Variants in EBF1 observed in about 807,000 individuals in gnomAD.
EBF1 encodes EBF transcription factor 1.
A neutral mutation model predicts 68.4 loss-of-function variants in EBF1; 10 were observed. That is an observed-to-expected ratio of 0.15 (90% CI 0.09 to 0.25). EBF1 has a LOEUF of 0.25. Among genes scored for constraint, EBF1 ranks in the 10% least tolerant of loss-of-function variants. The probability of loss-of-function intolerance (pLI) is 1.00; values close to 1 mark genes in which losing one functional copy is unlikely to be tolerated. For missense variants in EBF1, 509 were observed against 794.4 expected (o/e 0.64, Z 4.32); for synonymous variants, 298 against 299.8 (o/e 0.99, Z 0.06).
chr5:158,881,571 C>T (rs774637232), intron 6 of EBF1, among the ~76,000 whole-genome samples: 4 of 152,168 alleles, frequency 2.6e-5, no homozygotes, highest in Non-Finnish European at 2.9e-5. Context: ...GTATGTGCTG[C>T]GGGCTGTCTG....
chr5:158,784,067 G>GT (rs201077478), intron 9 of EBF1, among the ~76,000 whole-genome samples: 4,268 of 152,236 alleles, frequency 0.028, 208 homozygotes, highest in African/African-American at 0.098. Flanking sequence ...ATTGATGATG[G>GT]TAATGACCTT....
chr5:159,035,556 A>G (rs1769870272), intron 6 of EBF1, among the ~76,000 whole-genome samples: 1 of 152,342 alleles, frequency 6.6e-6, no homozygotes, highest in East Asian at 1.9e-4. Flanking sequence ...AACTACCTGG[A>G]TTCAAATCCC....
chr5:159,091,736 C>A (rs986082069), intron 4 of EBF1, among the ~76,000 whole-genome samples: 1 of 152,126 alleles, frequency 6.6e-6, no homozygotes, highest in African/African-American at 2.4e-5. Context: ...AAGATCAAAA[C>A]AAATATATCA....
chr5:159,024,786 A>G (rs951547944), intron 6 of EBF1, among the ~76,000 whole-genome samples: 3 of 152,258 alleles, frequency 2.0e-5, no homozygotes, highest in African/African-American at 4.8e-5. Context: ...AAGAGTGACC[A>G]CTAACCAGAA....
In EBF1 at chr5:158,867,417, C is replaced by T. The variant is rs143915605; in HGVS notation, c.555-27307G>A. ...TTTACCTCCGTATTTTCATCTAACTCAAGGTTCAAGATGGGATACAGTGTT... is the reference window on the plus strand; with the variant it reads ...TTTACCTCCGTATTTTCATCTAACTTAAGGTTCAAGATGGGATACAGTGTT... On this transcript the variant is annotated intron_variant, in intron 6 of 15. Coordinates refer to ENST00000313708, the MANE Select transcript of EBF1 (RefSeq NM_024007.5). 3.9e-4 allele frequency among the ~76,000 whole-genome samples: 59 copies of T among 152,294 alleles called. 2 individuals are homozygous for T. The East Asian group carries it at 5.2e-3, about 13-fold the overall frequency.
intron 6 of EBF1, among the ~76,000 whole-genome samples, chr5:158,902,776 G>T (rs569525487): frequency 2.0e-5 from 3 of 152,070 alleles, no homozygotes; most frequent in Admixed American, 1.3e-4. Context: ...CTCGTATGGG[G>T]ACAACAGATT....
chr5:158,806,212 G>C (rs1034156091), intron 8 of EBF1, among the ~76,000 whole-genome samples: 1 of 152,068 alleles, frequency 6.6e-6, no homozygotes, highest in Non-Finnish European at 1.5e-5. Flanking sequence ...GACAAATGGA[G>C]GGCTCTGACT....
intron 6 of EBF1, among the ~76,000 whole-genome samples, chr5:158,946,092 A>T (rs1218084538): frequency 6.6e-6 from 1 of 152,118 alleles, no homozygotes; most frequent in African/African-American, 2.4e-5. Flanking sequence ...CTAACCTTTT[A>T]TCAAGGTTCT....
intron 6 of EBF1, among the ~76,000 whole-genome samples, chr5:158,960,579 T>C (rs1339799959): frequency 6.6e-6 from 1 of 152,212 alleles, no homozygotes. Flanking sequence ...AAAATGTTTT[T>C]AAAAAATAGG....
Position 158,887,235 on chromosome 5 carries a change from A to G in EBF1, c.555-47125T>C, listed in dbSNP as rs17709235. ...ATATGTCTCTATTTTCATTCGAAAA[A>G]TATGGCCAATAAAACCTAACAGGTA... On this transcript the variant is annotated intron_variant, in intron 6 of 15. Transcript: ENST00000313708. 3.7e-4 allele frequency among the ~76,000 whole-genome samples: 56 copies of G among 152,318 alleles called. 1 individual carries two copies. In the East Asian group the frequency reaches 0.011, roughly 29 times the overall value.
intron 6 of EBF1, among the ~76,000 whole-genome samples, chr5:159,035,971 AC>A (rs1769969168): frequency 6.6e-6 from 1 of 151,904 alleles, no homozygotes; most frequent in South Asian, 2.1e-4. Context: ...TCCTTTCCTG[AC>A]CCCCAGTGGT....
At chr5:158,901,771 G>A (rs1345395936) in intron 6 of EBF1, among the ~76,000 whole-genome samples, 5 of 152,188 alleles carry the variant, frequency 3.3e-5, no homozygotes, top group African/African-American at 7.2e-5. Flanking sequence ...TTTACACAGA[G>A]AGTGAGTAGT....
chr5:158,806,009 T>C (rs966675756), intron 8 of EBF1, among the ~76,000 whole-genome samples: 2 of 152,112 alleles, frequency 1.3e-5, no homozygotes, highest in African/African-American at 4.8e-5. Flanking sequence ...AAGCTATAAT[T>C]TGAGCTTAAA....
intron 9 of EBF1, among the ~76,000 whole-genome samples, chr5:158,790,568 G>A (rs17056223): frequency 0.058 from 8,792 of 152,090 alleles, 346 homozygotes; most frequent in Non-Finnish European, 0.077. Context: ...AAGTATTTGC[G>A]GTGCATGCTA....
intron 14 of EBF1, 120 bp downstream of exon 14, chr5:158,712,034 T>C (rs1759465289): frequency 4.0e-6 from 5 of 1,245,548 alleles, no homozygotes; most frequent in Middle Eastern, 2.7e-4. Flanking sequence ...GGGGAGTGCC[T>C]TACAGGAGGG....
chr5:158,833,472 C>G (rs2127935479), intron 7 of EBF1, among the ~76,000 whole-genome samples: 1 of 152,264 alleles, frequency 6.6e-6, no homozygotes, highest in East Asian at 1.9e-4. Flanking sequence ...CTACATACAT[C>G]CATTTTCTTG....
At chr5:158,965,649 G>A (rs1443565289) in intron 6 of EBF1, among the ~76,000 whole-genome samples, 2 of 152,128 alleles carry the variant, frequency 1.3e-5, no homozygotes, top group Non-Finnish European at 2.9e-5. Flanking sequence ...ATTAAAGAAG[G>A]AACACACCAC....
At chr5:158,808,888 A>C (rs1475731865) in intron 8 of EBF1, among the ~76,000 whole-genome samples, 1 of 152,180 alleles carries the variant, frequency 6.6e-6, no homozygotes, top group African/African-American at 2.4e-5. Flanking sequence ...TCCATCACCC[A>C]AACAGTTACT....
intron 6 of EBF1, among the ~76,000 whole-genome samples, chr5:159,032,993 C>T (rs1769235604): frequency 6.6e-6 from 1 of 151,926 alleles, no homozygotes; most frequent in Admixed American, 6.6e-5. Context: ...ACCTTCTCCA[C>T]CCTCCCACAT....
Sources: gnomAD v4.1 joint callset for allele counts (sites outside exome capture counted in the v4.1 genomes callset) on GRCh38, gnomAD v4.1.1 for gene constraint, MANE v1.5 for transcripts, NCBI Gene and HGNC (gene_info 2026-07-23, HGNC 2026-07-21) for gene names.